The following ELOC variants were observed in gnomAD, a reference collection of about 807,000 sequenced individuals.
ELOC encodes elongin C, also known as elongin-C.
For synonymous variants in ELOC, 40 were observed against 51.3 expected (o/e 0.78, Z 0.94); for missense variants, 38 against 139.0 (o/e 0.27, Z 3.65).
intron 3 of ELOC, among the ~76,000 whole-genome samples, chr8:73,948,833 T>TCG (rs1404895442): frequency 4.0e-3 from 551 of 136,132 alleles, no homozygotes; most frequent in African/African-American, 0.015. Context: ...ACCCTGTCAC[T>TCG]CACAAGCAAG....
intron 1 of ELOC, among the ~76,000 whole-genome samples, chr8:73,963,473 T>C (rs1479001932): frequency 2.0e-5 from 3 of 152,232 alleles, no homozygotes; most frequent in Admixed American, 2.0e-4. Flanking sequence ...TGAAAGGCTA[T>C]TGCTCGTGTT....
chr8:73,955,995 T>C lies in ELOC; in HGVS notation c.64A>G (p.Ile22Val), dbSNP rs756249668. ...ATAAATTCATGGCCATCAGATGATA[T>C]CAATTTGACATACATGGCATCAGGT... is the stretch of plus-strand genomic sequence containing the variant. ...EGPDAMYVKLISSDGHEFIVK... is the reference protein window; with the variant it reads ...EGPDAMYVKLVSSDGHEFIVK... The change falls in exon 3 of 4, where the codon ATA becomes GTA. Residue 22 changes from isoleucine (I) to valine (V), a missense_variant. Physicochemically the swap from Ile to Val is conservative, Grantham distance 29 (BLOSUM62 3). Coordinates refer to ENST00000520242, the MANE Select transcript of ELOC (RefSeq NM_005648.4). The C allele has an allele frequency of 3.1e-6, 5 of 1,613,876 alleles. No homozygotes were observed. The highest frequency in any genetic ancestry group is 1.1e-5 in the South Asian group (1 of 91,078).
chr8:73,956,920 T>A (rs1189396789), intron 2 of ELOC, among the ~76,000 whole-genome samples: 1 of 152,222 alleles, frequency 6.6e-6, no homozygotes, highest in African/African-American at 2.4e-5. Flanking sequence ...GGCGGGTGGA[T>A]CACGACGTCA....
intron 1 of ELOC, among the ~76,000 whole-genome samples, chr8:73,962,913 C>T (rs1368879948): frequency 2.0e-5 from 3 of 152,110 alleles, no homozygotes; most frequent in African/African-American, 7.2e-5. Context: ...AAATATGATT[C>T]AGTTTGGACC....
chr8:73,959,038 G>A (rs1814406352), intron 2 of ELOC, among the ~76,000 whole-genome samples: 1 of 152,100 alleles, frequency 6.6e-6, no homozygotes, highest in Admixed American at 6.6e-5. Context: ...TCTAAACATA[G>A]AAAAGGTACA....
chr8:73,946,923 G>A, intron 3 of ELOC, 103 bp from the exon 4 acceptor site: 3 of 931,608 alleles, frequency 3.2e-6, no homozygotes, highest in Non-Finnish European at 4.8e-6. Flanking sequence ...GCTGTATTTA[G>A]AGATAAGTTC....
intron 1 of ELOC, among the ~76,000 whole-genome samples, chr8:73,961,049 TAA>T (rs767888840): frequency 5.3e-5 from 8 of 152,348 alleles, no homozygotes; most frequent in Non-Finnish European, 1.0e-4. Flanking sequence ...ATATACAGGC[TAA>T]GTTTTGAAAT....
intron 1 of ELOC, among the ~76,000 whole-genome samples, chr8:73,962,482 T>A (rs952764785): frequency 6.6e-6 from 1 of 152,200 alleles, no homozygotes; most frequent in Non-Finnish European, 1.5e-5. Flanking sequence ...AGTACTGTCA[T>A]TTTATGATAC....
At chr8:73,961,518 C>CTT (rs796160550) in intron 1 of ELOC, among the ~76,000 whole-genome samples, 61 of 145,708 alleles carry the variant, frequency 4.2e-4, no homozygotes, top group African/African-American at 1.4e-3. Context: ...ATCACTCTCT[C>CTT]TTTTTTTTTT....
At chr8:73,951,681 A>ACAC (rs1554594049) in intron 3 of ELOC, among the ~76,000 whole-genome samples, 1 of 145,808 alleles carries the variant, frequency 6.9e-6, no homozygotes, top group Non-Finnish European at 1.5e-5. Flanking sequence ...AACAACAACA[A>ACAC]AACAACAGAC....
chr8:73,964,195 T>C (rs563674928), intron 1 of ELOC, among the ~76,000 whole-genome samples: 1 of 148,152 alleles, frequency 6.7e-6, no homozygotes, highest in African/African-American at 2.5e-5. Context: ...TGGTTCTCTG[T>C]AGTTTATATT....
chr8:73,967,631 C>T (rs995287616), intron 1 of ELOC, among the ~76,000 whole-genome samples: 1 of 152,146 alleles, frequency 6.6e-6, no homozygotes, highest in East Asian at 1.9e-4. Context: ...CCACGCCTAG[C>T]TAATTATTTG....
chr8:73,957,993 C>T (rs765355505), intron 2 of ELOC, among the ~76,000 whole-genome samples: 5 of 151,828 alleles, frequency 3.3e-5, no homozygotes, highest in Admixed American at 6.6e-5. Flanking sequence ...GTCAGGATGT[C>T]TCGAACTCCT....
intron 1 of ELOC, among the ~76,000 whole-genome samples, chr8:73,960,193 G>C (rs901465684): frequency 6.6e-6 from 1 of 152,126 alleles, no homozygotes; most frequent in East Asian, 1.9e-4. Context: ...TAATTATCGA[G>C]AAAAAACTGC....
chr8:73,945,536 A>G lies in ELOC; in HGVS notation c.*1094T>C, dbSNP rs1374601331. 1 of 152,164 alleles carries G rather than the reference A, an allele frequency of 6.6e-6. No individual in the cohort carries two copies. The highest frequency in any genetic ancestry group is 1.5e-5 in the Non-Finnish European group (1 of 68,026). 9.4% of individuals were successfully genotyped at this position (152,164 alleles called of 1,614,324 possible). A position where few individuals can be genotyped will look rare whatever the true frequency, so the allele number is the denominator to read the frequency against. On this transcript the variant is annotated 3_prime_UTR_variant, in exon 4 of 4. Transcript: ENST00000520242. ...ACCCATCTCCAGTGCTTCTTTCCCC[A>G]TGCATAAGGAATGATGCTGTCATAT...
At chr8:73,950,699 T>G (rs1180320931) in intron 3 of ELOC, among the ~76,000 whole-genome samples, 1 of 152,016 alleles carries the variant, frequency 6.6e-6, no homozygotes, top group Non-Finnish European at 1.5e-5. Flanking sequence ...AATACAAGAG[T>G]GCTACCTACA....
chr8:73,957,354 G>A (rs1814263138), intron 2 of ELOC, among the ~76,000 whole-genome samples: 1 of 152,012 alleles, frequency 6.6e-6, no homozygotes, highest in Non-Finnish European at 1.5e-5. Flanking sequence ...ACAGTAGCCA[G>A]ATATATATAG....
intron 1 of ELOC, among the ~76,000 whole-genome samples, chr8:73,971,355 C>T (rs959804130): frequency 4.6e-5 from 7 of 152,178 alleles, no homozygotes; most frequent in Non-Finnish European, 1.0e-4. Context: ...AAGCTGAAAA[C>T]GAACCACTGC....
intron 3 of ELOC, among the ~76,000 whole-genome samples, chr8:73,951,544 T>C (rs1247739499): frequency 1.4e-5 from 2 of 147,160 alleles, no homozygotes; most frequent in African/African-American, 5.0e-5. Flanking sequence ...ACTCAGGAGG[T>C]TGAGGTGGGA....
Sources: allele counts gnomAD v4.1 joint callset (sites outside exome capture counted in the v4.1 genomes callset), GRCh38; gene constraint gnomAD v4.1.1; transcripts MANE v1.5; gene names NCBI Gene and HGNC (gene_info 2026-07-23, HGNC 2026-07-21).